PTPN4: variants seen among roughly 807,000 people sequenced by gnomAD.
PTPN4 encodes the protein tyrosine-protein phosphatase non-receptor type 4.
PTPN4 carries 49 observed loss-of-function variants against 135.5 expected under a neutral mutation model. The ratio of observed to expected loss-of-function variants is 0.36; its 90% CI spans 0.29 to 0.46. PTPN4 has a LOEUF of 0.46. Among genes scored for constraint, PTPN4 ranks in the 20% least tolerant of loss-of-function variants. The pLI is 1.00. For missense variants in PTPN4, 860 were observed against 1,101.0 expected (o/e 0.78, Z 3.10); for synonymous variants, 333 against 369.9 (o/e 0.90, Z 1.14).
chr2:119,984,171 C>T lies in PTPN4; in HGVS notation c.*7101C>T, dbSNP rs542066696. On this transcript the variant is annotated 3_prime_UTR_variant, in exon 27 of 27. Transcript: ENST00000263708. ...ATCTTTTCAAATAAGAAAAGCTACT[C>T]CTTATTCTCTACAGTGTAGGCTTAA... 2.7e-4 allele frequency among the ~76,000 whole-genome samples: 41 copies of T among 152,252 alleles called. No individual in the cohort carries two copies. Among genetic ancestry groups the T allele is most frequent in the African/African-American group, 9.4e-4 (39 of 41,554 alleles).
At position 119,960,343 on chromosome 2, in the gene PTPN4, T is replaced by C. The variant is rs1446356820; in HGVS notation, c.2134-464T>C. Among the ~76,000 whole-genome samples the C allele has an allele frequency of 2.6e-5, 4 of 152,366 alleles. No homozygotes were observed. The East Asian group carries it at 7.7e-4, about 29-fold the overall frequency. ...TCTGATACCCTCTAAAGTTACTTTA[T>C]ATGTAAAAATTCAAGCTAAAACCAA... On this transcript the variant is annotated intron_variant, in intron 22 of 26. Transcript: ENST00000263708.
intron 1 of PTPN4, among the ~76,000 whole-genome samples, chr2:119,775,744 G>A (rs1258110244): frequency 6.6e-6 from 1 of 152,176 alleles, no homozygotes; most frequent in East Asian, 1.9e-4. Context: ...CAGATGTTGT[G>A]CATGACTTCA....
chr2:119,834,810 C>G lies in PTPN4; in HGVS notation c.138+24819C>G, dbSNP rs147041455. On this transcript the variant is annotated intron_variant, in intron 2 of 26. Transcript: ENST00000263708. ...TCTTTAGAGTCTTAATAGTAACTAT[C>G]TCATAGGGTTGTTTTCATGATTAAA... is the stretch of plus-strand genomic sequence containing the variant. Among the ~76,000 whole-genome samples the G allele has an allele frequency of 7.6e-4, 115 of 152,192 alleles. 1 individual carries two copies. The highest frequency in any genetic ancestry group is 2.7e-3 in the African/African-American group (111 of 41,518).
chr2:119,796,768 A>G (rs1055320932), intron 1 of PTPN4, among the ~76,000 whole-genome samples: 2 of 152,198 alleles, frequency 1.3e-5, no homozygotes, highest in African/African-American at 4.8e-5. Flanking sequence ...ACCGTTTTCC[A>G]GCATTGTTGT....
chr2:119,946,622 A>G, intron 18 of PTPN4, 48 bp downstream of exon 18: 1 of 1,338,576 alleles, frequency 7.5e-7, no homozygotes, highest in East Asian at 2.3e-5. Flanking sequence ...AAGAATATGT[A>G]CTTATTTTAT....
At chr2:119,833,966 C>A (rs1677254840) in intron 2 of PTPN4, among the ~76,000 whole-genome samples, 1 of 152,188 alleles carries the variant, frequency 6.6e-6, no homozygotes, top group Admixed American at 6.5e-5. Flanking sequence ...ATTTTTCCAC[C>A]TGTTTGTGAT....
At chr2:119,892,888 AT>A (rs35557598) in intron 9 of PTPN4, among the ~76,000 whole-genome samples, 48,292 of 140,114 alleles carry the variant, frequency 0.34, 8,227 homozygotes, top group African/African-American at 0.45. Flanking sequence ...TGCTGGTTGA[AT>A]TTTTTTTTTT....
chr2:119,899,398 A>G (rs897027901), intron 9 of PTPN4, among the ~76,000 whole-genome samples: 1 of 152,114 alleles, frequency 6.6e-6, no homozygotes, highest in African/African-American at 2.4e-5. Context: ...TTACCTCCAC[A>G]TAGAGCAGTC....
intron 12 of PTPN4, among the ~76,000 whole-genome samples, chr2:119,924,427 C>T (rs1370726079): frequency 6.6e-6 from 1 of 151,792 alleles, no homozygotes; most frequent in Non-Finnish European, 1.5e-5. Context: ...TGATTTTTAC[C>T]TGCTCATAAT....
rs1183189664 is a variant in PTPN4 at position 119,960,962 on chromosome 2, T to C, written c.2280+9T>C. ...AAGTTGAACGTGGCAGAGTAAGTCA[T>C]AGTTGAATCTTACACATTGCTTGGA... On this transcript the variant is annotated intron_variant, in intron 23 of 26. Transcript: ENST00000263708. The C allele has an allele frequency of 1.2e-6, 2 of 1,608,800 alleles. No individual in the cohort carries two copies. Among genetic ancestry groups the C allele is most frequent in the South Asian group, 1.1e-5 (1 of 89,538 alleles).
rs562659558 is a variant in PTPN4 at position 119,883,656 on chromosome 2, ATTAC to A, written c.587+1039_587+1042del. 3.1e-3 allele frequency among the ~76,000 whole-genome samples: 470 copies of A among 152,302 alleles called. 1 individual carries two copies. Among genetic ancestry groups the A allele is most frequent in the African/African-American group, 0.011 (445 of 41,564 alleles). On this transcript the variant is annotated intron_variant, in intron 8 of 26. Transcript: ENST00000263708. ...ACTGCCTGGTTTGAAATTCTGTAAG[ATTAC>A]TTACTATCTTATAACCTTGGCCAAA...
rs929096645 is a variant in PTPN4, at chr2:119,927,051, TTTTTTG to T, written c.1070+395_1070+400del. ...TAATGTTAAGAGATAAGTTGTTTTA[TTTTTTG>T]TTTTTGTTTACCATTTATTGTCTTT... On this transcript the variant is annotated intron_variant, in intron 13 of 26. Coordinates refer to ENST00000263708, the MANE Select transcript of PTPN4 (RefSeq NM_002830.4). Among the ~76,000 whole-genome samples, 40 of 152,080 alleles carry T rather than the reference TTTTTTG, an allele frequency of 2.6e-4. No homozygotes were observed. The East Asian group carries it at 4.8e-3, about 18-fold the overall frequency.
intron 15 of PTPN4, among the ~76,000 whole-genome samples, chr2:119,938,391 T>C (rs1379039071): frequency 6.6e-6 from 1 of 152,034 alleles, no homozygotes; most frequent in Admixed American, 6.6e-5. Flanking sequence ...CCTCCCAAAG[T>C]GCTGGGATTA....
intron 2 of PTPN4, among the ~76,000 whole-genome samples, chr2:119,840,419 T>C (rs1325152572): frequency 6.6e-6 from 1 of 152,246 alleles, no homozygotes; most frequent in Non-Finnish European, 1.5e-5. Context: ...GCTCCATTCA[T>C]GTCCTTGCAA....
At chr2:119,934,456 G>T (rs892080505) in intron 14 of PTPN4, among the ~76,000 whole-genome samples, 7 of 152,094 alleles carry the variant, frequency 4.6e-5, no homozygotes, top group African/African-American at 1.7e-4. Flanking sequence ...AAATAATTCA[G>T]ACTAGAATAT....
At chr2:119,976,929 G>A (rs1383797536) in intron 26 of PTPN4, 55 bp from the exon 27 acceptor site, 2 of 1,562,102 alleles carry the variant, frequency 1.3e-6, no homozygotes, top group Non-Finnish European at 8.6e-7. Context: ...GGGGGGAGAG[G>A]GGACGGTTTT....
intron 3 of PTPN4, 109 bp downstream of exon 3, chr2:119,862,752 A>T: frequency 1.3e-6 from 1 of 755,200 alleles, no homozygotes; most frequent in Non-Finnish European, 2.0e-6. Context: ...TTTTTTTTTT[A>T]CTTGACTTAA....
chr2:119,773,506 G>A (rs1295271267), intron 1 of PTPN4, among the ~76,000 whole-genome samples: 3 of 152,060 alleles, frequency 2.0e-5, no homozygotes, highest in Non-Finnish European at 4.4e-5. Context: ...GGGAGGTCAA[G>A]GCAGGTGGAT....
chr2:119,968,873 T>G (rs1679485391), intron 26 of PTPN4, among the ~76,000 whole-genome samples: 1 of 152,222 alleles, frequency 6.6e-6, no homozygotes, highest in Non-Finnish European at 1.5e-5. Context: ...GAGTATTAAT[T>G]ATGCTTCAGG....
Sources: gnomAD v4.1 joint callset for allele counts (sites outside exome capture counted in the v4.1 genomes callset) on GRCh38, gnomAD v4.1.1 for gene constraint, MANE v1.5 for transcripts, NCBI Gene and HGNC (gene_info 2026-07-23, HGNC 2026-07-21) for gene names.